The following PLEC variants were observed in gnomAD, a reference collection of about 807,000 sequenced individuals.
The protein encoded by PLEC is plectin, also known as hemidesmosomal protein 1.
Under a neutral mutation model 392.8 loss-of-function variants are expected in PLEC, and 216 were observed. The observed-to-expected ratio is 0.55, with a 90% CI of 0.49 to 0.62. The LOEUF (loss-of-function observed/expected upper bound fraction) is 0.62. Among genes scored for constraint, PLEC ranks in the 20% least tolerant of loss-of-function variants. The pLI is 0.00. For synonymous variants in PLEC, 3,621 were observed against 2,980.6 expected (o/e 1.21, Z -7.00); for missense variants, 6,863 against 6,563.4 (o/e 1.05, Z -1.58).
rs1313312850 is a variant in PLEC, at chr8:143,937,644, G to A, written c.265-402C>T. On this transcript the variant is annotated intron_variant, in intron 3 of 31. Transcript: ENST00000345136. ...GACACCCAACCACCTACCCGCCCAA[G>A]AGCCAGGCAGGGGTTGGCCGACGGG... 3 of 496,094 alleles carry A rather than the reference G, an allele frequency of 6.0e-6. No individual in the cohort carries two copies. The East Asian group carries it at 1.7e-4, about 27-fold the overall frequency. The allele number at this position is 496,094 out of a possible 1,614,324, so 30.7% of individuals were successfully genotyped here. A position where few individuals can be genotyped will look rare whatever the true frequency, so the allele number is the denominator to read the frequency against.
intron 25 of PLEC, 56 bp from the exon 26 acceptor site, chr8:143,928,048 G>C: frequency 6.5e-7 from 1 of 1,534,976 alleles, no homozygotes; most frequent in Non-Finnish European, 8.8e-7. Context: ...ATAGCCCAAG[G>C]GAATGGAACC....
chr8:143,946,521 A>C (rs986001624), intron 1 of PLEC: 1 of 585,810 alleles, frequency 1.7e-6, no homozygotes, highest in East Asian at 7.4e-5. Flanking sequence ...CCTCGCAGCC[A>C]CCCCTTAGTC....
Position 143,922,690 on chromosome 8 carries a change from G to A in PLEC, c.7239C>T (p.Ile2413=), listed in dbSNP as rs370156381. The change falls in exon 31 of 32, where the codon ATC becomes ATT. Residue 2413 remains isoleucine (I), a synonymous_variant. Transcript: ENST00000345136. ...AQRFRKQAEE[I]GEKLHRTELA... is the part of the protein sequence containing the mutation. Reference sequence around the variant, plus strand: ...GCTCCGTGCGGTGCAGCTTCTCACCGATCTCCTCCGCCTGCTTCCGGAAGC... The same window carrying A: ...GCTCCGTGCGGTGCAGCTTCTCACCAATCTCCTCCGCCTGCTTCCGGAAGC... 34 of 1,612,670 alleles carry A rather than the reference G, an allele frequency of 2.1e-5. No individual in the cohort carries two copies. The African/African-American group carries it at 2.8e-4, about 13-fold the overall frequency.
rs371620643 is a variant in PLEC at position 143,916,568 on chromosome 8, T to A, written c.13253A>T (p.Asp4418Val). ...LDEALQRGTV[D>V]ARTAQKLRDV... ...ACGCAGCTTCTGTGCGGTGCGGGCG[T>A]CCACCGTGCCGCGCTGCAGGGCCTC... Residue 4418 changes from aspartate to valine, a missense_variant, in exon 32 of 32, where the codon GAC (aspartate) becomes GTC (valine). Asp to Val is a radical substitution (Grantham distance 152). Coordinates refer to ENST00000345136, the MANE Select transcript of PLEC (RefSeq NM_201384.3). The A allele has an allele frequency of 6.2e-7, 1 of 1,611,516 alleles. No individual in the cohort carries two copies. Among genetic ancestry groups the A allele is most frequent in the Non-Finnish European group, 8.5e-7 (1 of 1,179,552 alleles).
chr8:143,942,571 G>A (rs539538894), upstream of PLEC: 156 of 1,488,270 alleles, frequency 1.0e-4, 1 homozygote, highest in East Asian at 3.1e-3. Flanking sequence ...GAGCTGGACC[G>A]CGGCGGCGCC....
chr8:143,937,818 C>T, intron 3 of PLEC: 1 of 551,116 alleles, frequency 1.8e-6, no homozygotes, highest in Non-Finnish European at 3.5e-6. Flanking sequence ...GGGTAAAGGG[C>T]AGAGGTCAAG....
chr8:143,963,621 A>G (rs912121266), intron 1 of PLEC, among the ~76,000 whole-genome samples: 1 of 152,116 alleles, frequency 6.6e-6, no homozygotes, highest in Non-Finnish European at 1.5e-5. Context: ...GAGCCTCACC[A>G]ACACCTGATT....
chr8:143,943,052 G>A (rs1554730020), upstream of PLEC, among the ~76,000 whole-genome samples: 1 of 152,212 alleles, frequency 6.6e-6, no homozygotes, highest in East Asian at 1.9e-4. Context: ...GTCCCATCCT[G>A]GCAGCTGAGT....
chr8:143,952,220 A>ACACGCGCG (rs782520190), upstream of PLEC, among the ~76,000 whole-genome samples: 209 of 139,890 alleles, frequency 1.5e-3, 1 homozygote, highest in South Asian at 2.8e-3. Flanking sequence ...GCGCGCACAC[A>ACACGCGCG]CGCACGCGCA....
chr8:143,934,987 CT>C, intron 8 of PLEC, 23 bp downstream of exon 8: 1 of 1,611,622 alleles, frequency 6.2e-7, no homozygotes, highest in Non-Finnish European at 8.5e-7. Context: ...CCCAAGCCCC[CT>C]GCCCTCCGGG....
In PLEC at chr8:143,925,047, C is replaced by T. The variant is rs782452508; in HGVS notation, c.4882G>A (p.Glu1628Lys). The T allele has an allele frequency of 8.4e-6, 13 of 1,553,480 alleles. No individual in the cohort carries two copies. The highest frequency in any genetic ancestry group is 1.9e-5 in the Admixed American group (1 of 53,812). Residue 1628 changes from glutamate (E) to lysine (K), a missense_variant, in exon 31 of 32, where the codon GAG becomes AAG. By Grantham distance (56) the Glu-to-Lys change is moderately conservative (BLOSUM62 1). Transcript: ENST00000345136. Reference sequence around the variant, plus strand: ...AGCTGCCAGCGCTCCAGCTCCCGCTCTGCCTCCTCGCGCGCCCGCTCGGCC... The same window carrying T: ...AGCTGCCAGCGCTCCAGCTCCCGCTTTGCCTCCTCGCGCGCCCGCTCGGCC... ...AEAERAREEAERELERWQLKA... is the reference protein window; with the variant it reads ...AEAERAREEAKRELERWQLKA...
intron 3 of PLEC, 127 bp from the exon 4 acceptor site, chr8:143,937,369 A>G: frequency 1.4e-6 from 1 of 719,054 alleles, no homozygotes; most frequent in Non-Finnish European, 2.4e-6. Flanking sequence ...CCCTCATCCC[A>G]GGTTCACCCT....
chr8:143,976,525 C>G (rs1190923508), upstream of PLEC, among the ~76,000 whole-genome samples: 1 of 152,158 alleles, frequency 6.6e-6, no homozygotes, highest in Non-Finnish European at 1.5e-5. Context: ...GGGCACCGCC[C>G]GTCCAGTTCC....
Position 143,922,176 on chromosome 8 carries a change from C to G in PLEC, c.7645G>C (p.Val2549Leu), listed in dbSNP as rs1275101255. 2 of 1,543,320 alleles carry G rather than the reference C, an allele frequency of 1.3e-6. No individual in the cohort carries two copies. The highest frequency in any genetic ancestry group is 1.4e-5 in the African/African-American group (1 of 73,364). ...CGCCGCGCCTCCTCCATGCTGGCCA[C>G]CAGCCGCTGCCGTTCCTGCTCCATC... ...QQMEQERQRL[V>L]ASMEEARRRQ... The change falls in exon 32 of 32, where the codon GTG (valine) becomes CTG (leucine). Residue 2549 changes from valine to leucine, a missense_variant. Coordinates refer to ENST00000345136, the MANE Select transcript of PLEC (RefSeq NM_201384.3).
Position 143,934,069 on chromosome 8 carries a change from C to T in PLEC, c.1192G>A (p.Val398Met), listed in dbSNP as rs1001857933. ...CCCGCCTCCATCTGCAGCTTGGTCA[C>T]GATGCGCTGAAGACACTCCAGCCTG... is the stretch of plus-strand genomic sequence containing the variant. ...FERLECLQRI[V>M]TKLQMEAGLC... Residue 398 changes from valine to methionine, a missense_variant, in exon 12 of 32, where the codon GTG becomes ATG. Physicochemically the swap from Val to Met is conservative, Grantham distance 21 (BLOSUM62 1). Coordinates refer to ENST00000345136, the MANE Select transcript of PLEC (RefSeq NM_201384.3). 2.5e-6 allele frequency: 4 copies of T among 1,611,672 alleles called. No homozygotes were observed. Among genetic ancestry groups the T allele is most frequent in the South Asian group, 2.2e-5 (2 of 90,952 alleles).
chr8:143,957,851 GC>G (rs1390189314), upstream of PLEC, among the ~76,000 whole-genome samples: 7 of 151,520 alleles, frequency 4.6e-5, no homozygotes, highest in African/African-American at 7.3e-5. Flanking sequence ...CCCTGCTGGG[GC>G]TCTCTGGTGG....
At chr8:143,946,317 G>A (rs1554732154) in intron 1 of PLEC, 4 of 1,283,990 alleles carry the variant, frequency 3.1e-6, no homozygotes, top group Admixed American at 2.3e-5. Flanking sequence ...CCTCTCCTCT[G>A]CCTCCCACAG....
chr8:143,943,364 G>A (rs116638090), upstream of PLEC, among the ~76,000 whole-genome samples: 4 of 152,362 alleles, frequency 2.6e-5, no homozygotes, highest in African/African-American at 9.6e-5. Context: ...CCCCCTGTGC[G>A]GCCCGAGGGC....
At chr8:143,939,899 G>A (rs1306375034), upstream of PLEC, among the ~76,000 whole-genome samples, 2 of 152,206 alleles carry the variant, frequency 1.3e-5, no homozygotes, top group Admixed American at 6.5e-5. Flanking sequence ...CCACCCAGAA[G>A]GACCCCCCAA....
Sources: gnomAD v4.1 joint callset for allele counts (sites outside exome capture counted in the v4.1 genomes callset) on GRCh38, gnomAD v4.1.1 for gene constraint, MANE v1.5 for transcripts, NCBI Gene and HGNC (gene_info 2026-07-23, HGNC 2026-07-21) for gene names.